OTOGL: variants seen among roughly 807,000 people sequenced by gnomAD.
OTOGL encodes otogelin-like protein.
A neutral mutation model predicts 318.5 loss-of-function variants in OTOGL; 285 were observed. The observed-to-expected ratio is 0.89, with a 90% CI of 0.81 to 0.99. The LOEUF (loss-of-function observed/expected upper bound fraction) is 0.99, where lower values mean the gene tolerates loss of function less well. Ranked by LOEUF, OTOGL falls within the 50% of genes least tolerant of loss-of-function variation. OTOGL has a pLI of 0.00. For missense variants in OTOGL, 2,899 were observed against 2,845.6 expected (o/e 1.02, Z -0.43); for synonymous variants, 987 against 936.5 (o/e 1.05, Z -0.99).
chr12:80,211,920 C>T, intron 3 of OTOGL, 29 bp from the exon 4 acceptor site: 1 of 1,539,290 alleles, frequency 6.5e-7, no homozygotes, highest in South Asian at 1.2e-5. Context: ...GGGCCTTTGA[C>T]TGTACAAGTT....
chr12:80,129,816 C>T (rs923787039), intron 1 of OTOGL, among the ~76,000 whole-genome samples: 2 of 152,058 alleles, frequency 1.3e-5, no homozygotes, highest in African/African-American at 2.4e-5. Context: ...TTTTTGACCT[C>T]TTTATAGCAT....
At chr12:80,147,888 T>G in intron 1 of OTOGL, among the ~76,000 whole-genome samples, 1 of 152,142 alleles carries the variant, frequency 6.6e-6, no homozygotes, top group East Asian at 1.9e-4. Flanking sequence ...CCCTGCCTTT[T>G]TTTGTTCTCC....
intron 16 of OTOGL, 103 bp from the exon 17 acceptor site, chr12:80,256,234 C>T (rs915049870): frequency 3.1e-6 from 4 of 1,309,976 alleles, no homozygotes; most frequent in African/African-American, 3.0e-5. Context: ...TCTCTCCTCT[C>T]TCTTTCTCCC....
chr12:80,297,007 A>G (rs747756150), intron 27 of OTOGL, 46 bp downstream of exon 27: 11 of 1,397,620 alleles, frequency 7.9e-6, no homozygotes, highest in Admixed American at 2.2e-5. Flanking sequence ...TGTCCTGAGG[A>G]TACTGAAAAT....
chr12:80,189,879 C>G (rs1052503181), intron 1 of OTOGL, among the ~76,000 whole-genome samples: 2 of 152,136 alleles, frequency 1.3e-5, no homozygotes, highest in Non-Finnish European at 1.5e-5. Context: ...TCTGGAGGGA[C>G]AGAAAACAGC....
intron 22 of OTOGL, among the ~76,000 whole-genome samples, chr12:80,268,016 A>C (rs981825592): frequency 2.0e-5 from 3 of 152,124 alleles, no homozygotes; most frequent in African/African-American, 7.2e-5. Flanking sequence ...TGTCCTGCAC[A>C]GTAGTAAGTG....
Position 80,266,490 on chromosome 12 carries a change from C to T in OTOGL, c.2264C>T (p.Ser755Phe). The change falls in exon 21 of 59, where the codon TCC (serine) becomes TTC (phenylalanine). Residue 755 changes from serine (S) to phenylalanine (F), a missense_variant. Physicochemically the swap from Ser to Phe is radical, Grantham distance 155. Transcript: ENST00000547103. ...AAGGGCATGCTGTACCATCACTGTTCCTCGTTCTGCCTCCATTCCTGCATT... is the reference window on the plus strand; with the variant it reads ...AAGGGCATGCTGTACCATCACTGTTTCTCGTTCTGCCTCCATTCCTGCATT... ...CQKGMLYHHC[S>F]SFCLHSCISL... is the part of the protein sequence containing the mutation. The T allele has an allele frequency of 6.2e-7, 1 of 1,613,480 alleles. No individual in the cohort carries two copies. Among genetic ancestry groups the T allele is most frequent in the Non-Finnish European group, 8.5e-7 (1 of 1,179,678 alleles).
In OTOGL at chr12:80,353,516, A is replaced by G; in HGVS notation, c.5593+6A>G. ...CATTCCAGAGAAAGAGTGTGGTAAG[A>G]CACAAAGTACAAAATGACTTCTCAG... On this transcript the variant is annotated splice_donor_region_variant and intron_variant, in intron 46 of 58. Coordinates refer to ENST00000547103, the MANE Select transcript of OTOGL (RefSeq NM_001378609.3). 1 of 1,519,782 alleles carries G rather than the reference A, an allele frequency of 6.6e-7. No homozygotes were observed. The highest frequency in any genetic ancestry group is 1.3e-5 in the South Asian group (1 of 74,088). The allele number at this position is 1,519,782 out of a possible 1,614,324, so 94.1% of individuals were successfully genotyped here. A position where few individuals can be genotyped will look rare whatever the true frequency, so the allele number is the denominator to read the frequency against.
chr12:80,151,080 A>G (rs1872754256), intron 1 of OTOGL, among the ~76,000 whole-genome samples: 1 of 152,196 alleles, frequency 6.6e-6, no homozygotes, highest in African/African-American at 2.4e-5. Context: ...ATGTCAGCTT[A>G]TGGATGGATT....
chr12:80,302,922 GA>G, intron 28 of OTOGL, 139 bp downstream of exon 28: 1 of 825,874 alleles, frequency 1.2e-6, no homozygotes, highest in Non-Finnish European at 1.7e-6. Context: ...ATACCCTTGT[GA>G]AAAAGAACTT....
chr12:80,140,172 G>A (rs1325595958), intron 1 of OTOGL, among the ~76,000 whole-genome samples: 6 of 152,086 alleles, frequency 3.9e-5, no homozygotes, highest in Non-Finnish European at 5.9e-5. Context: ...TTTCTCATGT[G>A]GATTCTAGCA....
Position 80,356,865 on chromosome 12 carries a change from C to A in OTOGL, c.5970C>A (p.Phe1990Leu), listed in dbSNP as rs1191190599. ...CACCAGAATGCAGAGAAGATCAATT[C>A]ATGATTCAAGTTCGACAGGAAGAAC... ...ISTPECREDQFMIQVRQEEPC... is the reference protein window; with the variant it reads ...ISTPECREDQLMIQVRQEEPC... The change falls in exon 49 of 59, where the codon TTC becomes TTA. Residue 1990 changes from phenylalanine (F) to leucine (L), a missense_variant. Transcript: ENST00000547103. 1.9e-6 allele frequency: 3 copies of A among 1,599,780 alleles called. No homozygotes were observed. The highest frequency in any genetic ancestry group is 1.3e-5 in the African/African-American group (1 of 74,112).
At chr12:80,349,042 G>A (rs1008762377) in intron 44 of OTOGL, among the ~76,000 whole-genome samples, 6 of 152,034 alleles carry the variant, frequency 3.9e-5, no homozygotes, top group African/African-American at 1.4e-4. Flanking sequence ...CAGTTAATAA[G>A]TAAGTAGAGG....
chr12:80,193,225 T>C (rs116124096), intron 1 of OTOGL, among the ~76,000 whole-genome samples: 1,553 of 152,240 alleles, frequency 0.01, 29 homozygotes, highest in African/African-American at 0.035. Flanking sequence ...TTCTTAAGAA[T>C]AAGGTAAGCA....
intron 25 of OTOGL, 30 bp from the exon 26 acceptor site, chr12:80,278,998 A>AATGT: frequency 7.9e-7 from 1 of 1,257,916 alleles, no homozygotes; most frequent in Non-Finnish European, 1.1e-6. Flanking sequence ...TCGTTTCTTT[A>AATGT]GAAAGGTAAC....
At chr12:80,372,671 T>G (rs1265870049) in intron 57 of OTOGL, among the ~76,000 whole-genome samples, 1 of 150,866 alleles carries the variant, frequency 6.6e-6, no homozygotes, top group Non-Finnish European at 1.5e-5. Context: ...GCTTGGATTA[T>G]AAGGTTTATT....
chr12:80,371,686 G>C (rs1424098797), intron 56 of OTOGL, among the ~76,000 whole-genome samples: 1 of 152,088 alleles, frequency 6.6e-6, no homozygotes, highest in African/African-American at 2.4e-5. Context: ...TCAAGGAGTT[G>C]AAAATATATA....
In OTOGL at chr12:80,318,687, C is replaced by T; in HGVS notation, c.3776C>T (p.Pro1259Leu). The T allele has an allele frequency of 2.3e-6, 3 of 1,331,380 alleles. No homozygotes were observed. The South Asian group carries it at 6.6e-5, about 29-fold the overall frequency. The allele number at this position is 1,331,380 out of a possible 1,614,324, so 82.5% of individuals were successfully genotyped here. ...TSLFFYFMIT[P>L]GLFKEKVSSL... Reference sequence around the variant, plus strand: ...TTATTTTTTTATTTTATGATCACTCCAGGCCTTTTCAAAGAGAAGGTATCA... The same window carrying T: ...TTATTTTTTTATTTTATGATCACTCTAGGCCTTTTCAAAGAGAAGGTATCA... Residue 1259 changes from proline (P) to leucine (L), a missense_variant, in exon 33 of 59, where the codon CCA becomes CTA. This residue lies in a region of OTOGL where 2,607 missense variants were observed against 2,524.9 expected (regional missense o/e 1.03). Coordinates refer to ENST00000547103, the MANE Select transcript of OTOGL (RefSeq NM_001378609.3).
chr12:80,296,873 G>A lies in OTOGL; in HGVS notation c.2975G>A (p.Cys992Tyr), dbSNP rs765482772. ...TCTGTCATTGCCCAGAACAAGAAAT[G>A]CTTTGACAACGATATTGTTTGTTCT... is the stretch of plus-strand genomic sequence containing the variant. ...DISVIAQNKK[C>Y]FDNDIVCSKS... The change falls in exon 27 of 59, where the codon TGC becomes TAC. Residue 992 changes from cysteine to tyrosine, a missense_variant. Cys to Tyr is a radical substitution (Grantham distance 194). Transcript: ENST00000547103. 2 of 1,528,908 alleles carry A rather than the reference G, an allele frequency of 1.3e-6. No homozygotes were observed. The highest frequency in any genetic ancestry group is 2.4e-5 in the South Asian group (2 of 83,426). 94.7% of individuals were successfully genotyped at this position (1,528,908 alleles called of 1,614,324 possible). A position where few individuals can be genotyped will look rare whatever the true frequency, so the allele number is the denominator to read the frequency against.
Sources: gnomAD v4.1 joint callset for allele counts (sites outside exome capture counted in the v4.1 genomes callset) on GRCh38, gnomAD v4.1.1 for gene constraint, gnomAD v4.1.1 regional missense constraint, MANE v1.5 for transcripts, NCBI Gene and HGNC (gene_info 2026-07-23, HGNC 2026-07-21) for gene names.